MYLIP: variants seen among roughly 807,000 people sequenced by gnomAD.
MYLIP encodes the protein myosin regulatory light chain interacting protein.
A neutral mutation model predicts 45.8 loss-of-function variants in MYLIP; 26 were observed. The observed-to-expected ratio is 0.57, with a 90% CI of 0.42 to 0.79. The LOEUF (loss-of-function observed/expected upper bound fraction) is 0.79. Ranked by LOEUF, MYLIP falls within the 30% of genes least tolerant of loss-of-function variation. MYLIP has a pLI of 0.00. For synonymous variants in MYLIP, 213 were observed against 218.1 expected (o/e 0.98, Z 0.21); for missense variants, 494 against 555.6 (o/e 0.89, Z 1.11).
chr6:16,162,613 G>A, the MYLIP span, among the ~76,000 whole-genome samples: 1 of 151,832 alleles, frequency 6.6e-6, no homozygotes, highest in South Asian at 2.1e-4. Context: ...GCATATATAT[G>A]ATATATCCAG....
intron 2 of MYLIP, among the ~76,000 whole-genome samples, chr6:16,137,973 TG>T (rs1388850511): frequency 6.6e-6 from 1 of 152,168 alleles, no homozygotes; most frequent in Non-Finnish European, 1.5e-5. Context: ...TGTTACGCCT[TG>T]GGCCCCAAAA....
In MYLIP at chr6:16,129,728, C is replaced by G. The variant is rs1053306213; in HGVS notation, c.87+319C>G. 2.0e-5 allele frequency among the ~76,000 whole-genome samples: 3 copies of G among 152,232 alleles called. No individual in the cohort carries two copies. The highest frequency in any genetic ancestry group is 7.2e-5 in the African/African-American group (3 of 41,476). ...CCCGGAAGAAGGCGGCTCCGCACAC[C>G]TGCCGCAGGTATGTGCGTGATGCCG... is the stretch of plus-strand genomic sequence containing the variant. On this transcript the variant is annotated intron_variant, in intron 1 of 6. Coordinates refer to ENST00000356840, the MANE Select transcript of MYLIP (RefSeq NM_013262.4). The surrounding 1 kb of genome is among the most constrained non-coding windows in gnomAD (Gnocchi z 5.1).
chr6:16,136,023 C>T (rs1397222186), intron 2 of MYLIP, among the ~76,000 whole-genome samples: 1 of 151,792 alleles, frequency 6.6e-6, no homozygotes, highest in Non-Finnish European at 1.5e-5. Context: ...GTATGTTTCC[C>T]CGTAAATACT....
chr6:16,141,785 G>A lies in MYLIP; in HGVS notation c.439G>A (p.Glu147Lys). Reference protein sequence around the residue: ...KYNYEELCAKELSSATLNSIV... With the variant: ...KYNYEELCAKKLSSATLNSIV... Reference sequence around the variant, plus strand: ...TAACTATGAGGAGCTCTGTGCCAAGGAGCTCTCCTCTGCCACCTTGAACAG... The same window carrying A: ...TAACTATGAGGAGCTCTGTGCCAAGAAGCTCTCCTCTGCCACCTTGAACAG... The change falls in exon 3 of 7, where the codon GAG becomes AAG. Residue 147 changes from glutamate (E) to lysine (K), a missense_variant. Coordinates refer to ENST00000356840, the MANE Select transcript of MYLIP (RefSeq NM_013262.4). The A allele has an allele frequency of 6.2e-7, 1 of 1,613,282 alleles. No individual in the cohort carries two copies. The highest frequency in any genetic ancestry group is 8.5e-7 in the Non-Finnish European group (1 of 1,179,436).
At chr6:16,162,122 A>C in the MYLIP span, among the ~76,000 whole-genome samples, 33 of 152,228 alleles carry the variant, frequency 2.2e-4, no homozygotes, top group African/African-American at 8.0e-4. Context: ...CTAGGAACGT[A>C]TTCTTTCATG....
intron 3 of MYLIP, 134 bp from the exon 4 acceptor site, chr6:16,142,886 A>C: frequency 1.1e-6 from 1 of 885,952 alleles, no homozygotes; most frequent in Non-Finnish European, 1.7e-6. Context: ...AATACATGAA[A>C]CATCAGTAAT....
At chr6:16,158,699 C>T in the MYLIP span, among the ~76,000 whole-genome samples, 1 of 152,112 alleles carries the variant, frequency 6.6e-6, no homozygotes, top group Non-Finnish European at 1.5e-5. Context: ...TCAACCCCGT[C>T]TCTACTAAAA....
chr6:16,137,574 G>C (rs905861616), intron 2 of MYLIP, among the ~76,000 whole-genome samples: 2 of 152,186 alleles, frequency 1.3e-5, no homozygotes, highest in Non-Finnish European at 2.9e-5. Flanking sequence ...TGGTGTAACT[G>C]GTGAGGTAAC....
At chr6:16,143,622 G>C (rs978684518) in intron 4 of MYLIP, 77 bp from the exon 5 acceptor site, 15 of 1,492,440 alleles carry the variant, frequency 1.0e-5, no homozygotes, top group Non-Finnish European at 1.4e-5. Flanking sequence ...TGAGCAAATG[G>C]GGATCCCACA....
rs2113557910 is a variant in MYLIP at position 16,143,214 on chromosome 6, A to C, written c.659A>C (p.Asn220Thr). 6.2e-7 allele frequency: 1 copy of C among 1,614,110 alleles called. No homozygotes were observed. Among genetic ancestry groups the C allele is most frequent in the East Asian group, 2.2e-5 (1 of 44,896 alleles). ...TGTAAAGATGACTTTAGCCCAATTA[A>C]TAGGTAAGCCAAGACTTAACTTTTT... Reference protein sequence around the residue: ...SICKDDFSPINRIAYPVVQMA... With the variant: ...SICKDDFSPITRIAYPVVQMA... Residue 220 changes from asparagine (N) to threonine (T), a missense_variant, in exon 4 of 7, where the codon AAT becomes ACT. Physicochemically the swap from Asn to Thr is moderately conservative, Grantham distance 65 (BLOSUM62 0). Transcript: ENST00000356840.
chr6:16,135,749 ATATATC>A (rs1470819630), intron 2 of MYLIP, among the ~76,000 whole-genome samples: 2,371 of 81,832 alleles, frequency 0.029, 77 homozygotes, highest in African/African-American at 0.047. Context: ...GTGTGTATAC[ATATATC>A]TATATATATA....
rs568930709 is a variant in MYLIP at position 16,148,096 on chromosome 6, CT to C, written c.*1351del. The C allele has an allele frequency of 6.6e-6, 1 of 152,546 alleles. No homozygotes were observed. The highest frequency in any genetic ancestry group is 1.9e-4 in the East Asian group (1 of 5,198). The allele number at this position is 152,546 out of a possible 1,614,324, so 9.4% of individuals were successfully genotyped here. A position where few individuals can be genotyped will look rare whatever the true frequency, so the allele number is the denominator to read the frequency against. On this transcript the variant is annotated 3_prime_UTR_variant, in exon 7 of 7. Transcript: ENST00000356840. ...CATTTTGTCAAATATTAAAACTCTA[CT>C]TTTTTATGGCACATATTAGCATATA...
At position 16,143,625 on chromosome 6, in the gene MYLIP, A is replaced by T. The variant is rs1336809956; in HGVS notation, c.663-74A>T. ...TCTGCTAGGTCATGAGCAAATGGGGATCCCACAAAGGCACACACATGGTGA... is the reference window on the plus strand; with the variant it reads ...TCTGCTAGGTCATGAGCAAATGGGGTTCCCACAAAGGCACACACATGGTGA... On this transcript the variant is annotated intron_variant, in intron 4 of 6. Coordinates refer to ENST00000356840, the MANE Select transcript of MYLIP (RefSeq NM_013262.4). 6 of 1,511,622 alleles carry T rather than the reference A, an allele frequency of 4.0e-6. No homozygotes were observed. The East Asian group carries it at 1.4e-4, about 34-fold the overall frequency. The allele number at this position is 1,511,622 out of a possible 1,614,324, so 93.6% of individuals were successfully genotyped here.
chr6:16,136,097 C>T (rs528692384), intron 2 of MYLIP, among the ~76,000 whole-genome samples: 18 of 152,208 alleles, frequency 1.2e-4, no homozygotes, highest in African/African-American at 3.6e-4. Context: ...GTAAAATTTA[C>T]ATAAATCCTA....
chr6:16,156,501 TGC>T, the MYLIP span, among the ~76,000 whole-genome samples: 1 of 152,356 alleles, frequency 6.6e-6, no homozygotes, highest in Admixed American at 6.5e-5. Context: ...CTATGCAATT[TGC>T]CAAGAGAAGG....
intron 2 of MYLIP, among the ~76,000 whole-genome samples, chr6:16,134,437 G>A (rs187145853): frequency 6.6e-6 from 1 of 152,236 alleles, no homozygotes; most frequent in African/African-American, 2.4e-5. Context: ...ACTTAACTTA[G>A]AGCTTCCTCA....
the MYLIP span, among the ~76,000 whole-genome samples, chr6:16,156,633 G>A: frequency 3.9e-5 from 6 of 152,222 alleles, no homozygotes; most frequent in Non-Finnish European, 8.8e-5. Context: ...ATAAAAGGAG[G>A]ATAAGTCTAT....
At position 16,143,757 on chromosome 6, in the gene MYLIP, G is replaced by C. The variant is rs112824443; in HGVS notation, c.721G>C (p.Val241Leu). 2 of 1,613,886 alleles carry C rather than the reference G, an allele frequency of 1.2e-6. No homozygotes were observed. Among genetic ancestry groups the C allele is most frequent in the African/African-American group, 2.7e-5 (2 of 74,870 alleles). ...GTCAGGAAAGAATGTATATTTGACG[G>C]TCACCAAGGAATCTGGGAACAGCAT... is the stretch of plus-strand genomic sequence containing the variant. ...TQSGKNVYLT[V>L]TKESGNSIVL... Residue 241 changes from valine to leucine, a missense_variant, in exon 5 of 7, where the codon GTC becomes CTC. Coordinates refer to ENST00000356840, the MANE Select transcript of MYLIP (RefSeq NM_013262.4).
chr6:16,137,976 G>T (rs1417048298), intron 2 of MYLIP, among the ~76,000 whole-genome samples: 1 of 151,926 alleles, frequency 6.6e-6, no homozygotes, highest in Non-Finnish European at 1.5e-5. Flanking sequence ...TACGCCTTGG[G>T]CCCCAAAATG....
Sources: allele counts gnomAD v4.1 joint callset (sites outside exome capture counted in the v4.1 genomes callset), GRCh38; gene constraint gnomAD v4.1.1; non-coding constraint Gnocchi (gnomAD v3.1); transcripts MANE v1.5; gene names NCBI Gene and HGNC (gene_info 2026-07-23, HGNC 2026-07-21).